SPATA16: variants seen among roughly 807,000 people sequenced by gnomAD.
The protein encoded by SPATA16 is spermatogenesis associated 16, also known as spermatogenesis-associated protein 16.
In SPATA16, 36 loss-of-function variants were observed where a neutral mutation model predicts 63.3. The ratio of observed to expected loss-of-function variants is 0.57; its 90% CI spans 0.44 to 0.75. SPATA16 has a LOEUF of 0.75. Ranked by LOEUF, SPATA16 falls within the 30% of genes least tolerant of loss-of-function variation. The probability of loss-of-function intolerance (pLI) is 0.00; values close to 1 mark genes in which losing one functional copy is unlikely to be tolerated. For synonymous variants in SPATA16, 203 were observed against 216.7 expected, an observed-to-expected ratio of 0.94 and a Z score of 0.56; for missense variants, 646 against 679.3, an observed-to-expected ratio of 0.95 and a Z score of 0.54.
At chr3:173,096,859 T>C (rs1013470796) in intron 2 of SPATA16, among the ~76,000 whole-genome samples, 2 of 152,070 alleles carry the variant, frequency 1.3e-5, no homozygotes, top group African/African-American at 2.4e-5. Flanking sequence ...CTTAGCATGA[T>C]GGAATATTAT....
At chr3:173,091,957 G>C (rs1737234869) in intron 2 of SPATA16, among the ~76,000 whole-genome samples, 1 of 152,122 alleles carries the variant, frequency 6.6e-6, no homozygotes, top group African/African-American at 2.4e-5. Flanking sequence ...GGAAGAGGCA[G>C]GTAGTGTCTC....
At chr3:172,967,883 G>A (rs1275313971) in intron 5 of SPATA16, among the ~76,000 whole-genome samples, 2 of 152,106 alleles carry the variant, frequency 1.3e-5, no homozygotes, top group Non-Finnish European at 2.9e-5. Flanking sequence ...CCTACATTAT[G>A]GTGAGTTGTA....
chr3:173,092,069 A>G (rs1348612582), intron 2 of SPATA16, among the ~76,000 whole-genome samples: 1 of 152,146 alleles, frequency 6.6e-6, no homozygotes. Context: ...GTGTGCAACC[A>G]TTCATCAAGA....
intron 3 of SPATA16, among the ~76,000 whole-genome samples, chr3:173,033,110 G>A (rs1735641822): frequency 6.6e-6 from 1 of 152,098 alleles, no homozygotes; most frequent in Admixed American, 6.6e-5. Context: ...GGCAGTTAAT[G>A]TAATAATATC....
chr3:173,037,126 A>T (rs1735731099), intron 3 of SPATA16, among the ~76,000 whole-genome samples: 2 of 152,130 alleles, frequency 1.3e-5, no homozygotes, highest in Admixed American at 1.3e-4. Flanking sequence ...CAAAATTTGG[A>T]TGAAGGCTGT....
intron 10 of SPATA16, among the ~76,000 whole-genome samples, chr3:172,901,817 G>GTTTC (rs892359409): frequency 1.4e-4 from 22 of 152,088 alleles, no homozygotes; most frequent in African/African-American, 4.8e-4. Context: ...TCTTATCACT[G>GTTTC]TTTCCCACGT....
chr3:172,934,801 A>G (rs1288708687), intron 6 of SPATA16, among the ~76,000 whole-genome samples: 1 of 152,154 alleles, frequency 6.6e-6, no homozygotes, highest in Admixed American at 6.5e-5. Flanking sequence ...TTCTTTATAT[A>G]TGGAAATCTA....
chr3:172,911,498 C>G (rs966451495), intron 10 of SPATA16, among the ~76,000 whole-genome samples: 10 of 152,180 alleles, frequency 6.6e-5, no homozygotes, highest in African/African-American at 2.4e-4. Flanking sequence ...TACTGTTCTC[C>G]TTTGCTTCTT....
intron 8 of SPATA16, among the ~76,000 whole-genome samples, chr3:172,920,416 A>C (rs905086332): frequency 3.3e-5 from 5 of 152,148 alleles, no homozygotes; most frequent in Admixed American, 1.3e-4. Context: ...AGTAAAGAAA[A>C]CTTCTTGACT....
intron 5 of SPATA16, among the ~76,000 whole-genome samples, chr3:172,959,346 GA>G (rs1175683517): frequency 6.6e-6 from 1 of 152,188 alleles, no homozygotes; most frequent in Non-Finnish European, 1.5e-5. Context: ...TCTGCTCATT[GA>G]AGGATCTGTA....
intron 1 of SPATA16, among the ~76,000 whole-genome samples, chr3:173,130,953 G>A (rs1046993660): frequency 2.0e-5 from 3 of 151,944 alleles, no homozygotes; most frequent in African/African-American, 7.3e-5. Context: ...AATTAACTTC[G>A]GAATTAAGAT....
chr3:172,997,077 CA>C (rs1402478263), intron 4 of SPATA16, among the ~76,000 whole-genome samples: 2 of 152,146 alleles, frequency 1.3e-5, no homozygotes, highest in African/African-American at 4.8e-5. Flanking sequence ...CAATTATGAA[CA>C]AAGCTGCTAT....
At chr3:173,122,489 A>G (rs1351631929) in intron 1 of SPATA16, among the ~76,000 whole-genome samples, 1 of 152,150 alleles carries the variant, frequency 6.6e-6, no homozygotes, top group Non-Finnish European at 1.5e-5. Context: ...TCGACATCAC[A>G]GTTGCTATGG....
intron 3 of SPATA16, among the ~76,000 whole-genome samples, chr3:173,029,072 A>T (rs1247768224): frequency 1.3e-5 from 2 of 152,058 alleles, no homozygotes; most frequent in African/African-American, 4.8e-5. Flanking sequence ...TCAGTTCAAC[A>T]TAAGGGGGGA....
At chr3:173,103,801 T>C (rs763682746) in intron 2 of SPATA16, among the ~76,000 whole-genome samples, 61 of 152,364 alleles carry the variant, frequency 4.0e-4, no homozygotes, top group Middle Eastern at 3.4e-3. Flanking sequence ...AACAAGTGGT[T>C]GCTCTGCAGC....
At chr3:172,938,813 T>C (rs1277686620) in intron 6 of SPATA16, among the ~76,000 whole-genome samples, 1 of 151,160 alleles carries the variant, frequency 6.6e-6, no homozygotes, top group Non-Finnish European at 1.5e-5. Flanking sequence ...GAGTTGTTTT[T>C]CAGAGATCCA....
chr3:172,893,607 G>A (rs1731938752), intron 10 of SPATA16, among the ~76,000 whole-genome samples: 1 of 152,214 alleles, frequency 6.6e-6, no homozygotes, highest in African/African-American at 2.4e-5. Context: ...AAAGTGAAGG[G>A]AAGAGCAATT....
At chr3:172,928,305 T>G (rs572645647) in intron 6 of SPATA16, among the ~76,000 whole-genome samples, 2 of 152,350 alleles carry the variant, frequency 1.3e-5, no homozygotes, top group African/African-American at 4.8e-5. Context: ...ATTTCTACTT[T>G]TCAGTTTCAA....
At chr3:173,049,818 A>G (rs1430933157) in intron 2 of SPATA16, among the ~76,000 whole-genome samples, 1 of 152,136 alleles carries the variant, frequency 6.6e-6, no homozygotes, top group Non-Finnish European at 1.5e-5. Context: ...GAGAACCCCA[A>G]ACATTATGAA....
Sources: gnomAD v4.1 joint callset for allele counts (sites outside exome capture counted in the v4.1 genomes callset) on GRCh38, gnomAD v4.1.1 for gene constraint, MANE v1.5 for transcripts, NCBI Gene and HGNC (gene_info 2026-07-23, HGNC 2026-07-21) for gene names.